The following RBFOX3 variants were observed in gnomAD, a reference collection of about 807,000 sequenced individuals.
The protein encoded by RBFOX3 is RNA binding fox-1 homolog 3, also known as RNA binding protein fox-1 homolog 3.
RBFOX3 carries 17 observed loss-of-function variants against 48.7 expected under a neutral mutation model. The ratio of observed to expected loss-of-function variants is 0.35; its 90% CI spans 0.24 to 0.52. The LOEUF (loss-of-function observed/expected upper bound fraction) is 0.52, where lower values mean the gene tolerates loss of function less well. Ranked by LOEUF, RBFOX3 falls within the 20% of genes least tolerant of loss-of-function variation. RBFOX3 has a pLI of 0.94. For synonymous variants in RBFOX3, 212 were observed against 209.5 expected (o/e 1.01, Z -0.10); for missense variants, 382 against 497.5 (o/e 0.77, Z 2.21).
chr17:79,163,216 T>C (rs2047320432), intron 4 of RBFOX3, among the ~76,000 whole-genome samples: 1 of 152,102 alleles, frequency 6.6e-6, no homozygotes, highest in South Asian at 2.1e-4. Flanking sequence ...GCTCCCTCCT[T>C]GGGGCCGGGC....
chr17:79,184,125 G>A (rs879925389), intron 4 of RBFOX3, among the ~76,000 whole-genome samples: 164 of 151,992 alleles, frequency 1.1e-3, no homozygotes, highest in Middle Eastern at 3.4e-3. Flanking sequence ...TAATCCGAGG[G>A]CATCTACGCA....
chr17:79,126,269 G>A (rs1028481253), intron 4 of RBFOX3, among the ~76,000 whole-genome samples: 1 of 152,256 alleles, frequency 6.6e-6, no homozygotes, highest in Non-Finnish European at 1.5e-5. Context: ...GACCAGAACA[G>A]GACAGACGGA....
intron 1 of RBFOX3, among the ~76,000 whole-genome samples, chr17:79,526,291 G>A (rs1166330910): frequency 6.6e-6 from 1 of 152,214 alleles, no homozygotes; most frequent in Non-Finnish European, 1.5e-5. Flanking sequence ...GAGCCACCCA[G>A]AGGCAGCCCC....
At chr17:79,483,357 G>T (rs1033919087) in intron 1 of RBFOX3, among the ~76,000 whole-genome samples, 4 of 151,108 alleles carry the variant, frequency 2.6e-5, no homozygotes, top group African/African-American at 9.7e-5. Context: ...CTCCACACAG[G>T]CGCATGCCTC....
chr17:79,250,352 T>C (rs1406810227), intron 3 of RBFOX3, among the ~76,000 whole-genome samples: 1 of 152,226 alleles, frequency 6.6e-6, no homozygotes, highest in Non-Finnish European at 1.5e-5. Context: ...CTGGGTTCTG[T>C]TCATGCAGAA....
rs146422596 is a variant in RBFOX3 at position 79,324,347 on chromosome 17, C to T, written c.-174-16523G>A. Among the ~76,000 whole-genome samples the T allele has an allele frequency of 5.4e-3, 820 of 152,274 alleles. 6 individuals carry two copies. The highest frequency in any genetic ancestry group is 0.019 in the African/African-American group (770 of 41,552). On this transcript the variant is annotated intron_variant, in intron 2 of 14. Coordinates refer to ENST00000693108, the MANE Select transcript of RBFOX3 (RefSeq NM_001350451.2). Reference sequence around the variant, plus strand: ...AGCTGGCTGACATCTGGCAAATGAGCGTGGGATGCAGCTTGAGCTTCCAGA... The same window carrying T: ...AGCTGGCTGACATCTGGCAAATGAGTGTGGGATGCAGCTTGAGCTTCCAGA...
intron 1 of RBFOX3, among the ~76,000 whole-genome samples, chr17:79,570,934 TAA>T (rs2092655080): frequency 6.6e-6 from 1 of 152,146 alleles, no homozygotes; most frequent in Non-Finnish European, 1.5e-5. Context: ...AAACCACAGA[TAA>T]GAGACTCTTA....
At chr17:79,656,777 G>GAGAGAGAGA in the RBFOX3 span, among the ~76,000 whole-genome samples, 7 of 101,408 alleles carry the variant, frequency 6.9e-5, 1 homozygote, top group East Asian at 3.9e-4. Context: ...AAGGAAGGAA[G>GAGAGAGAGA]GAAAGAAAGA....
chr17:79,366,593 C>T (rs1018758530), intron 2 of RBFOX3, among the ~76,000 whole-genome samples: 2 of 152,204 alleles, frequency 1.3e-5, no homozygotes, highest in Non-Finnish European at 2.9e-5. Context: ...GCCAGCCCAA[C>T]GAGCAGTGCC....
In RBFOX3 at chr17:79,254,642, C is replaced by G. The variant is rs1317453438; in HGVS notation, c.-73-18837G>C. ...CCTGCTTGGGTTGGTCTTATGCCAC[C>G]AGGGGCCACTTCTGAGCCCTCTTGG... On this transcript the variant is annotated intron_variant, in intron 3 of 14. Coordinates refer to ENST00000693108, the MANE Select transcript of RBFOX3 (RefSeq NM_001350451.2). This position sits in a 1 kb window ranked among gnomAD's most constrained non-coding sequence, Gnocchi z 4.8. Among the ~76,000 whole-genome samples the G allele has an allele frequency of 1.3e-5, 2 of 152,180 alleles. No homozygotes were observed. Among genetic ancestry groups the G allele is most frequent in the Non-Finnish European group, 2.9e-5 (2 of 68,028 alleles).
intron 4 of RBFOX3, among the ~76,000 whole-genome samples, chr17:79,150,371 C>G (rs147250114): frequency 6.6e-6 from 1 of 152,038 alleles, no homozygotes; most frequent in Non-Finnish European, 1.5e-5. Context: ...GAGGCCTGGC[C>G]GTTCTCTGGG....
chr17:79,294,592 G>A (rs1201008185), intron 3 of RBFOX3, among the ~76,000 whole-genome samples: 1 of 152,182 alleles, frequency 6.6e-6, no homozygotes, highest in South Asian at 2.1e-4. Flanking sequence ...GAGCCACCAC[G>A]CCCCGCTAGA....
chr17:79,203,409 G>A (rs77719045), intron 4 of RBFOX3, among the ~76,000 whole-genome samples: 5 of 3,304 alleles, frequency 1.5e-3, no homozygotes, highest in African/African-American at 9.4e-3. Flanking sequence ...GCGAAGGGGC[G>A]TGTAAGGACT....
chr17:79,634,238 C>G, the RBFOX3 span, among the ~76,000 whole-genome samples: 1 of 152,176 alleles, frequency 6.6e-6, no homozygotes, highest in African/African-American at 2.4e-5. Flanking sequence ...ATCCATCTGC[C>G]CTTGGCCATG....
rs1284064641 is a variant in RBFOX3 at position 79,482,830 on chromosome 17, T to C, written c.-319-232A>G. Among the ~76,000 whole-genome samples, 1 of 151,910 alleles carries C rather than the reference T, an allele frequency of 6.6e-6. No individual in the cohort carries two copies. The highest frequency in any genetic ancestry group is 1.5e-5 in the Non-Finnish European group (1 of 67,980). On this transcript the variant is annotated intron_variant, in intron 1 of 14. Transcript: ENST00000693108. The surrounding 1 kb of genome is among the most constrained non-coding windows in gnomAD (Gnocchi z 4.1). ...CAGAAAACACATCATTAGGACCCTA[T>C]TGCCAAACAGCCACCGTGCAGTCCA... is the stretch of plus-strand genomic sequence containing the variant.
chr17:79,183,137 C>G (rs1452954623), intron 4 of RBFOX3: 1 of 147,518 alleles, frequency 6.8e-6, no homozygotes, highest in African/African-American at 2.4e-5. Flanking sequence ...CGCCATGACG[C>G]GGGGAGCGCA....
chr17:79,292,547 CACTT>C (rs1415075698), intron 3 of RBFOX3, among the ~76,000 whole-genome samples: 10 of 151,818 alleles, frequency 6.6e-5, no homozygotes, highest in African/African-American at 2.4e-4. Context: ...TTTACACTCA[CACTT>C]ACAGTTGGCA....
chr17:79,314,473 G>A (rs73413611), intron 2 of RBFOX3, among the ~76,000 whole-genome samples: 2,499 of 152,222 alleles, frequency 0.016, 75 homozygotes, highest in African/African-American at 0.055. Context: ...GGACAAGATC[G>A]GCCACTCACA....
chr17:79,255,969 C>T (rs1360791321), intron 3 of RBFOX3, among the ~76,000 whole-genome samples: 1 of 151,640 alleles, frequency 6.6e-6, no homozygotes, highest in Non-Finnish European at 1.5e-5. Flanking sequence ...CAGCCAACTC[C>T]CTCGGGGGCT....
Sources: allele counts gnomAD v4.1 joint callset (sites outside exome capture counted in the v4.1 genomes callset), GRCh38; gene constraint gnomAD v4.1.1; non-coding constraint Gnocchi (gnomAD v3.1); transcripts MANE v1.5; gene names NCBI Gene and HGNC (gene_info 2026-07-23, HGNC 2026-07-21).